Variants in DYM observed in about 807,000 individuals in gnomAD.
DYM encodes the protein dyggve-Melchior-Clausen syndrome protein.
In DYM, 78 loss-of-function variants were observed where a neutral mutation model predicts 93.1. The observed-to-expected ratio is 0.84, with a 90% CI of 0.70 to 1.01. The LOEUF (loss-of-function observed/expected upper bound fraction) is 1.01, where lower values mean the gene tolerates loss of function less well. DYM is among the 50% of genes least tolerant of loss of function. The probability of loss-of-function intolerance (pLI) is 0.00; values close to 1 mark genes in which losing one functional copy is unlikely to be tolerated. For missense variants in DYM, 789 were observed against 845.0 expected (o/e 0.93, Z 0.82); for synonymous variants, 321 against 319.7 (o/e 1.00, Z -0.04).
At chr18:49,287,890 T>C (rs1344805159) in intron 8 of DYM, among the ~76,000 whole-genome samples, 1 of 150,812 alleles carries the variant, frequency 6.6e-6, no homozygotes, top group African/African-American at 2.4e-5. Context: ...CCACTTGTGG[T>C]TACTGAGCAT....
rs368434454 is a variant in DYM, at chr18:49,296,944, T to C, written c.764-10328A>G. On this transcript the variant is annotated intron_variant, in intron 8 of 17. Coordinates refer to ENST00000675505, the MANE Select transcript of DYM (RefSeq NM_001353214.3). ...TGTAGACTCCTTGAAGAGAAAGAGC[T>C]GTCTCTTTTTCACATTCTATAAATC... Among the ~76,000 whole-genome samples the C allele has an allele frequency of 2.5e-4, 38 of 152,342 alleles. 1 individual carries two copies. The South Asian group carries it at 7.7e-3, about 31-fold the overall frequency.
intron 8 of DYM, among the ~76,000 whole-genome samples, chr18:49,315,815 T>A (rs1264267669): frequency 2.0e-5 from 3 of 152,206 alleles, no homozygotes; most frequent in Admixed American, 6.5e-5. Context: ...AACATCTCAG[T>A]GATAACCATA....
At chr18:49,455,946 CAA>C (rs34970715) in intron 1 of DYM, among the ~76,000 whole-genome samples, 2 of 140,056 alleles carry the variant, frequency 1.4e-5, no homozygotes, top group Non-Finnish European at 1.6e-5. Context: ...CAGACTGTCT[CAA>C]AAAAAAAAAA....
chr18:49,337,803 A>C lies in DYM; in HGVS notation c.495-3950T>G, dbSNP rs146550369. The stretch of plus-strand genomic sequence containing the variant: ...CAGCAACCAATTCTGCCTGGGTCAG[A>C]AGGGAAATTCTTCACAAAGATGATG... On this transcript the variant is annotated intron_variant, in intron 6 of 17. Coordinates refer to ENST00000675505, the MANE Select transcript of DYM (RefSeq NM_001353214.3). Among the ~76,000 whole-genome samples, 802 of 152,318 alleles carry C rather than the reference A, an allele frequency of 5.3e-3. 9 individuals are homozygous for C. Among genetic ancestry groups the C allele is most frequent in the African/African-American group, 0.018 (752 of 41,572 alleles).
At chr18:49,261,503 T>G (rs1055355926) in intron 11 of DYM, among the ~76,000 whole-genome samples, 4 of 152,272 alleles carry the variant, frequency 2.6e-5, no homozygotes, top group Admixed American at 2.6e-4. Flanking sequence ...AAACCCCGTC[T>G]CTACTAAAAA....
At chr18:49,256,033 G>A (rs1262095081) in intron 13 of DYM, among the ~76,000 whole-genome samples, 2 of 142,036 alleles carry the variant, frequency 1.4e-5, no homozygotes, top group African/African-American at 2.6e-5. Context: ...GCAGTGAGCT[G>A]AGATCGCACC....
At chr18:49,362,606 A>G (rs558499529) in intron 6 of DYM, among the ~76,000 whole-genome samples, 130 of 152,312 alleles carry the variant, frequency 8.5e-4, no homozygotes, top group African/African-American at 3.0e-3. Context: ...CATTCCAGAC[A>G]GCAGGAGAAA....
At chr18:49,301,707 A>G (rs1183513716) in intron 8 of DYM, among the ~76,000 whole-genome samples, 1 of 152,208 alleles carries the variant, frequency 6.6e-6, no homozygotes, top group African/African-American at 2.4e-5. Context: ...CACTAACACT[A>G]GTAGTCTCCA....
At position 49,076,039 on chromosome 18, in the gene DYM, G is replaced by A. The variant is rs377210034; in HGVS notation, c.2025+21363C>T. ...GTGTTAGCAGGGGCACCCTGTTACT[G>A]TACAGGCAGTATAACAACATTAAAG... On this transcript the variant is annotated intron_variant, in intron 17 of 17. Coordinates refer to ENST00000675505, the MANE Select transcript of DYM (RefSeq NM_001353214.3). Among the ~76,000 whole-genome samples the A allele has an allele frequency of 3.0e-4, 45 of 152,304 alleles. 3 individuals carry two copies. The highest frequency in any genetic ancestry group is 1.5e-3 in the Admixed American group (23 of 15,298).
intron 14 of DYM, among the ~76,000 whole-genome samples, chr18:49,178,628 A>G (rs2089627661): frequency 6.6e-6 from 1 of 152,194 alleles, no homozygotes. Context: ...TATCAACAGA[A>G]TATTTCCAAA....
chr18:49,306,564 T>C (rs1013207929), intron 8 of DYM, among the ~76,000 whole-genome samples: 4 of 152,012 alleles, frequency 2.6e-5, no homozygotes, highest in Admixed American at 6.6e-5. Context: ...AATTAAGTAA[T>C]TGAACAGGCA....
chr18:49,103,475 G>T (rs929193843), intron 16 of DYM, among the ~76,000 whole-genome samples: 50 of 152,186 alleles, frequency 3.3e-4, no homozygotes, highest in African/African-American at 1.2e-3. Context: ...TTTTAGACAT[G>T]AAGTCCTTGC....
chr18:49,046,470 C>CACACACACACAG (rs1023306055), intron 17 of DYM, among the ~76,000 whole-genome samples: 14 of 150,300 alleles, frequency 9.3e-5, no homozygotes, highest in African/African-American at 2.7e-4. Context: ...CAGACACACC[C>CACACACACACAG]ACACACACAC....
chr18:49,080,447 C>T (rs1392082480), intron 17 of DYM, among the ~76,000 whole-genome samples: 5 of 132,706 alleles, frequency 3.8e-5, no homozygotes, highest in East Asian at 2.4e-4. Context: ...TCCTCACTTC[C>T]CAGTAGGGGC....
At chr18:49,378,745 C>A in intron 4 of DYM, 45 bp from the exon 5 acceptor site, 1 of 1,599,344 alleles carries the variant, frequency 6.3e-7, no homozygotes, top group Non-Finnish European at 8.6e-7. Flanking sequence ...TAAACATAAG[C>A]ACCATAGTTT....
intron 2 of DYM, among the ~76,000 whole-genome samples, chr18:49,392,541 C>T (rs1167228534): frequency 1.3e-5 from 2 of 151,886 alleles, no homozygotes; most frequent in East Asian, 1.9e-4. Flanking sequence ...AATGGACCAA[C>T]GACTTAAATA....
rs187923107 is a variant in DYM at position 49,448,259 on chromosome 18, C to T, written c.-54+12139G>A. On this transcript the variant is annotated intron_variant, in intron 1 of 17. Transcript: ENST00000675505. ...TCAATCCCTAAGTTTTTTTAAGCCA[C>T]CTATTCTGCCTTCAATTAGAGTAGT... 3.4e-4 allele frequency among the ~76,000 whole-genome samples: 52 copies of T among 152,192 alleles called. 1 individual carries two copies. Among genetic ancestry groups the T allele is most frequent in the African/African-American group, 1.2e-3 (51 of 41,510 alleles).
chr18:49,114,338 T>C (rs112791929), intron 16 of DYM, among the ~76,000 whole-genome samples: 4 of 152,352 alleles, frequency 2.6e-5, no homozygotes, highest in East Asian at 3.9e-4. Flanking sequence ...AAGAACTGCA[T>C]AACAGCATAT....
chr18:49,080,154 G>T (rs1472865522), intron 17 of DYM, among the ~76,000 whole-genome samples: 3 of 38,882 alleles, frequency 7.7e-5, no homozygotes, highest in Non-Finnish European at 1.0e-4. Flanking sequence ...GCTGGCCGGG[G>T]GGGGGCTGAC....
Sources: allele counts gnomAD v4.1 joint callset (sites outside exome capture counted in the v4.1 genomes callset), GRCh38; gene constraint gnomAD v4.1.1; transcripts MANE v1.5; gene names NCBI Gene and HGNC (gene_info 2026-07-23, HGNC 2026-07-21).